Variants in DLGAP2 observed in about 807,000 individuals in gnomAD.
DLGAP2 encodes DLG associated protein 2, also known as disks large-associated protein 2.
In DLGAP2, 26 loss-of-function variants were observed where a neutral mutation model predicts 100.3. The ratio of observed to expected loss-of-function variants is 0.26; its 90% CI spans 0.19 to 0.36. DLGAP2 has a LOEUF of 0.36. Ranked by LOEUF, DLGAP2 falls within the 10% of genes least tolerant of loss-of-function variation. The probability of loss-of-function intolerance (pLI) is 1.00; values close to 1 mark genes in which losing one functional copy is unlikely to be tolerated. For missense variants in DLGAP2, 1,858 were observed against 1,453.2 expected (o/e 1.28, Z -4.53); for synonymous variants, 886 against 630.1 (o/e 1.41, Z -6.08).
intron 3 of DLGAP2, among the ~76,000 whole-genome samples, chr8:1,439,205 C>T (rs1201444078): frequency 6.6e-6 from 1 of 152,158 alleles, no homozygotes; most frequent in South Asian, 2.1e-4. Context: ...CAGCCCCTCC[C>T]CTCCAGAGGC....
rs1248132627 is a variant in DLGAP2 at position 1,702,128 on chromosome 8, C to T, written c.*722C>T. 1 of 152,206 alleles carries T rather than the reference C, an allele frequency of 6.6e-6. No individual in the cohort carries two copies. The allele number at this position is 152,206 out of a possible 1,614,324, so 9.4% of individuals were successfully genotyped here. A position where few individuals can be genotyped will look rare whatever the true frequency, so the allele number is the denominator to read the frequency against. On this transcript the variant is annotated 3_prime_UTR_variant, in exon 15 of 15. Coordinates refer to ENST00000637795, the MANE Select transcript of DLGAP2 (RefSeq NM_001346810.2). Reference sequence around the variant, plus strand: ...ACATTCAAAAGATAAGCTGAGTGTTCCCACCAGGAAGTCACGCGCAGAGAG... The same window carrying T: ...ACATTCAAAAGATAAGCTGAGTGTTTCCACCAGGAAGTCACGCGCAGAGAG...
At chr8:1,429,050 G>A (rs1005479825) in intron 3 of DLGAP2, among the ~76,000 whole-genome samples, 1 of 152,212 alleles carries the variant, frequency 6.6e-6, no homozygotes, top group Non-Finnish European at 1.5e-5. Flanking sequence ...CAGACTGCAA[G>A]CAGTGTAGCA....
chr8:1,273,857 A>C (rs1000432254), intron 3 of DLGAP2, among the ~76,000 whole-genome samples: 4 of 152,210 alleles, frequency 2.6e-5, no homozygotes, highest in Non-Finnish European at 4.4e-5. Flanking sequence ...TCCAAATGGG[A>C]GACTTTAAAT....
chr8:870,777 C>T (rs1412187291), intron 1 of DLGAP2, among the ~76,000 whole-genome samples: 1 of 152,142 alleles, frequency 6.6e-6, no homozygotes, highest in African/African-American at 2.4e-5. Context: ...TGTCTTCGTG[C>T]CCTGGTGACA....
intron 3 of DLGAP2, among the ~76,000 whole-genome samples, chr8:1,421,125 A>T (rs1262378427): frequency 1.3e-5 from 2 of 152,242 alleles, no homozygotes; most frequent in Admixed American, 1.3e-4. Flanking sequence ...TATCCAAAGT[A>T]TGTTTTTCAG....
At chr8:1,368,311 A>G (rs548870397) in intron 3 of DLGAP2, among the ~76,000 whole-genome samples, 26 of 151,628 alleles carry the variant, frequency 1.7e-4, no homozygotes, top group African/African-American at 6.3e-4. Flanking sequence ...GTGCATGTGC[A>G]TAGCTGTGTG....
intron 1 of DLGAP2, among the ~76,000 whole-genome samples, chr8:772,592 G>C (rs1265781038): frequency 6.6e-6 from 1 of 152,142 alleles, no homozygotes; most frequent in African/African-American, 2.4e-5. Flanking sequence ...CAAAGTGCTG[G>C]GACTACAGGC....
chr8:1,187,220 C>T (rs61697611), intron 2 of DLGAP2, among the ~76,000 whole-genome samples: 5,471 of 151,486 alleles, frequency 0.036, 129 homozygotes, highest in East Asian at 0.16. Flanking sequence ...GAATTTCACA[C>T]GGGACCTCCG....
chr8:1,364,046 G>A (rs1046244072), intron 3 of DLGAP2, among the ~76,000 whole-genome samples: 1 of 152,164 alleles, frequency 6.6e-6, no homozygotes, highest in African/African-American at 2.4e-5. Flanking sequence ...AACCCCATAT[G>A]GGGGTCTTCC....
intron 3 of DLGAP2, among the ~76,000 whole-genome samples, chr8:1,267,332 C>T (rs572736291): frequency 3.1e-4 from 47 of 151,060 alleles, no homozygotes; most frequent in Middle Eastern, 3.4e-3. Context: ...TTTGGGAGGC[C>T]GAGGCGGTGG....
At chr8:1,194,205 C>G (rs73541308) in intron 2 of DLGAP2, among the ~76,000 whole-genome samples, 12,412 of 152,108 alleles carry the variant, frequency 0.082, 1,402 homozygotes, top group African/African-American at 0.25. Flanking sequence ...GAGGCCACGC[C>G]TTGTTCTCAG....
At chr8:865,077 A>G (rs994421504) in intron 1 of DLGAP2, among the ~76,000 whole-genome samples, 7 of 152,228 alleles carry the variant, frequency 4.6e-5, no homozygotes, top group Non-Finnish European at 4.4e-5. Context: ...AATCTCAGCT[A>G]TGCGGTCTCA....
chr8:1,652,149 G>A (rs567200524), intron 8 of DLGAP2, among the ~76,000 whole-genome samples: 2 of 152,316 alleles, frequency 1.3e-5, no homozygotes, highest in African/African-American at 4.8e-5. Flanking sequence ...TGGTGCTAAG[G>A]AACTATTACA....
At chr8:1,284,686 G>A (rs10110305) in intron 3 of DLGAP2, among the ~76,000 whole-genome samples, 17,317 of 152,110 alleles carry the variant, frequency 0.11, 1,394 homozygotes, top group Non-Finnish European at 0.14. Context: ...AAGTGGCACC[G>A]TCTCAGCTCA....
intron 2 of DLGAP2, among the ~76,000 whole-genome samples, chr8:1,258,102 A>G (rs1799267367): frequency 6.6e-6 from 1 of 152,238 alleles, no homozygotes; most frequent in Non-Finnish European, 1.5e-5. Flanking sequence ...ATAGTCACTC[A>G]GGGACCTACA....
At chr8:867,738 G>A (rs547912570) in intron 1 of DLGAP2, among the ~76,000 whole-genome samples, 1 of 152,344 alleles carries the variant, frequency 6.6e-6, no homozygotes, top group South Asian at 2.1e-4. Context: ...AGGTTTCTCA[G>A]TGCGTAATTC....
chr8:1,098,835 A>G (rs1354005709), intron 2 of DLGAP2, among the ~76,000 whole-genome samples: 1 of 150,604 alleles, frequency 6.6e-6, no homozygotes, highest in African/African-American at 2.4e-5. Flanking sequence ...CCGCGCACGG[A>G]CGCTGCGACG....
chr8:986,114 G>A (rs1239210119), intron 2 of DLGAP2, among the ~76,000 whole-genome samples: 1 of 152,092 alleles, frequency 6.6e-6, no homozygotes, highest in Non-Finnish European at 1.5e-5. Context: ...TGGCTGGTTG[G>A]GAAGAAGTTT....
intron 1 of DLGAP2, among the ~76,000 whole-genome samples, chr8:870,161 T>G (rs1232992931): frequency 6.6e-6 from 1 of 152,222 alleles, no homozygotes; most frequent in Non-Finnish European, 1.5e-5. Context: ...TTGATTTTAT[T>G]CTATGGCTAT....
Sources: gnomAD v4.1 joint callset for allele counts (sites outside exome capture counted in the v4.1 genomes callset) on GRCh38, gnomAD v4.1.1 for gene constraint, MANE v1.5 for transcripts, NCBI Gene and HGNC (gene_info 2026-07-23, HGNC 2026-07-21) for gene names.